Variants in SMARCA2 observed in about 807,000 individuals in gnomAD.
The protein encoded by SMARCA2 is SWI/SNF-related matrix-associated actin-dependent regulator of chromatin subfamily A member 2.
Under a neutral mutation model 199.8 loss-of-function variants are expected in SMARCA2, and 61 were observed. The observed-to-expected ratio is 0.31, with a 90% CI of 0.25 to 0.38. The LOEUF (loss-of-function observed/expected upper bound fraction) is 0.38, where lower values mean the gene tolerates loss of function less well. SMARCA2 is among the 10% of genes least tolerant of loss of function. The pLI is 1.00. For synonymous variants in SMARCA2, 935 were observed against 732.0 expected (o/e 1.28, Z -4.48); for missense variants, 1,344 against 2,012.2 (o/e 0.67, Z 6.35).
In SMARCA2 at chr9:2,017,583, T is replaced by C. The variant is rs1430980953; in HGVS notation, c.-37+2179T>C. On this transcript the variant is annotated intron_variant, in intron 1 of 33. Transcript: ENST00000349721. This position sits in a 1 kb window ranked among gnomAD's most constrained non-coding sequence, Gnocchi z 8.8. ...GTGTGCGCGCGCGAGCGGCGGAGAA[T>C]CAGGAAGTCACAGCAGCGAAGCGCA... 1 of 152,048 alleles carries C rather than the reference T, an allele frequency of 6.6e-6. No homozygotes were observed. Among genetic ancestry groups the C allele is most frequent in the African/African-American group, 2.4e-5 (1 of 41,358 alleles). The allele number at this position is 152,048 out of a possible 1,614,324, so 9.4% of individuals were successfully genotyped here.
intron 2 of SMARCA2, chr9:2,032,714 C>A (rs1690108012): frequency 5.6e-6 from 2 of 356,818 alleles, no homozygotes; most frequent in Non-Finnish European, 1.0e-5. Flanking sequence ...TCTGATATTA[C>A]AAAAAACAAA....
At chr9:2,160,743 G>C (rs1028587674) in intron 27 of SMARCA2, 4 of 432,092 alleles carry the variant, frequency 9.3e-6, no homozygotes, top group Admixed American at 3.8e-5. Flanking sequence ...GTGTGAGAGA[G>C]CAATCTCAAA....
intron 27 of SMARCA2, among the ~76,000 whole-genome samples, chr9:2,142,042 T>C (rs1824487707): frequency 6.6e-6 from 1 of 152,146 alleles, no homozygotes; most frequent in African/African-American, 2.4e-5. Context: ...GTGGACTTCC[T>C]TCTGCCAAGC....
In SMARCA2 at chr9:2,070,477, G is replaced by A; in HGVS notation, c.1746+6G>A. On this transcript the variant is annotated splice_donor_region_variant and intron_variant, in intron 10 of 33. Coordinates refer to ENST00000349721, the MANE Select transcript of SMARCA2 (RefSeq NM_003070.5). ...CCCTGGGACCGGATGGAGAGGTAAG[G>A]GATCGTCATCCTTTCCACTGTGTTC... 1.2e-6 allele frequency: 2 copies of A among 1,609,740 alleles called. No homozygotes were observed. Among genetic ancestry groups the A allele is most frequent in the South Asian group, 2.2e-5 (2 of 90,962 alleles).
chr9:2,139,488 T>G (rs948941649), intron 27 of SMARCA2, among the ~76,000 whole-genome samples: 5 of 152,204 alleles, frequency 3.3e-5, no homozygotes, highest in Non-Finnish European at 7.3e-5. Context: ...CGCTAGAGTG[T>G]CAACATTCCA....
rs1232304750 is a variant in SMARCA2, at chr9:2,017,818, C to T, written c.-37+2414C>T. Reference sequence around the variant, plus strand: ...CCTCCAGGTAAGGAGCCTGCGCAGCCCTGCCGCCGGCTGTGTGCGGAGCTT... The same window carrying T: ...CCTCCAGGTAAGGAGCCTGCGCAGCTCTGCCGCCGGCTGTGTGCGGAGCTT... On this transcript the variant is annotated intron_variant, in intron 1 of 33. Coordinates refer to ENST00000349721, the MANE Select transcript of SMARCA2 (RefSeq NM_003070.5). This position sits in a 1 kb window ranked among gnomAD's most constrained non-coding sequence, Gnocchi z 8.8. 6.6e-6 allele frequency: 1 copy of T among 152,270 alleles called. No homozygotes were observed. Among genetic ancestry groups the T allele is most frequent in the African/African-American group, 2.4e-5 (1 of 41,464 alleles). 9.4% of individuals were successfully genotyped at this position (152,270 alleles called of 1,614,324 possible).
intron 22 of SMARCA2, among the ~76,000 whole-genome samples, chr9:2,103,252 G>A (rs554714818): frequency 2.3e-4 from 35 of 152,216 alleles, no homozygotes; most frequent in South Asian, 1.5e-3. Context: ...CCTGCTCAGC[G>A]TAGCCTCTGT....
intron 27 of SMARCA2, chr9:2,158,176 A>G (rs1051640103): frequency 3.8e-6 from 1 of 260,882 alleles, no homozygotes; most frequent in Non-Finnish European, 7.2e-6. Context: ...AAAAAAAAAA[A>G]AAAAAAAAGG....
intron 27 of SMARCA2, among the ~76,000 whole-genome samples, chr9:2,137,339 C>T (rs1824244230): frequency 6.6e-6 from 1 of 152,170 alleles, no homozygotes; most frequent in African/African-American, 2.4e-5. Context: ...AGTGGCCTTC[C>T]ATTGTAAGTG....
At chr9:2,103,685 A>G (rs889834926) in intron 22 of SMARCA2, among the ~76,000 whole-genome samples, 17 of 150,804 alleles carry the variant, frequency 1.1e-4, no homozygotes, top group African/African-American at 3.9e-4. Context: ...AGAGAGAGAG[A>G]GGGCGAGGAG....
chr9:2,187,360 G>A (rs772650579), intron 32 of SMARCA2, among the ~76,000 whole-genome samples: 7 of 152,040 alleles, frequency 4.6e-5, no homozygotes, highest in Non-Finnish European at 8.8e-5. Context: ...AAAGGTTAAG[G>A]GTGCTGTCAG....
chr9:2,038,563 CT>C (rs1474069800), intron 3 of SMARCA2, among the ~76,000 whole-genome samples: 2 of 152,182 alleles, frequency 1.3e-5, no homozygotes, highest in African/African-American at 4.8e-5. Flanking sequence ...TTCTTTACCC[CT>C]TTCCTGAAAT....
At chr9:2,156,118 G>T (rs1394162545) in intron 27 of SMARCA2, among the ~76,000 whole-genome samples, 2 of 152,118 alleles carry the variant, frequency 1.3e-5, no homozygotes, top group Admixed American at 6.5e-5. Flanking sequence ...TTACATCATG[G>T]ATATTCCCTT....
At position 2,192,893 on chromosome 9, in the gene SMARCA2, TATC is replaced by T. The variant is rs771295558; in HGVS notation, c.*157_*159del. On this transcript the variant is annotated 3_prime_UTR_variant, in exon 34 of 34. Coordinates refer to ENST00000349721, the MANE Select transcript of SMARCA2 (RefSeq NM_003070.5). ...AGGATAGTGCCAGACAAACATATGA[TATC>T]ATGGTGTAAAAAACACACACATACA... 1 of 625,356 alleles carries T rather than the reference TATC, an allele frequency of 1.6e-6. No homozygotes were observed. Among genetic ancestry groups the T allele is most frequent in the Non-Finnish European group, 2.9e-6 (1 of 347,684 alleles). 38.7% of individuals were successfully genotyped at this position (625,356 alleles called of 1,614,324 possible). A position where few individuals can be genotyped will look rare whatever the true frequency, so the allele number is the denominator to read the frequency against.
intron 4 of SMARCA2, among the ~76,000 whole-genome samples, chr9:2,046,997 T>G (rs1405103223): frequency 1.3e-5 from 2 of 151,820 alleles, no homozygotes; most frequent in African/African-American, 4.8e-5. Context: ...TCTTTCTGTG[T>G]CTTTTTCCTT....
chr9:2,098,072 G>A (rs992433694), intron 21 of SMARCA2, among the ~76,000 whole-genome samples: 2 of 152,222 alleles, frequency 1.3e-5, no homozygotes, highest in East Asian at 3.9e-4. Flanking sequence ...ATGTGAATAA[G>A]TTTCCTAAAT....
chr9:2,186,200 GGAAGAT>G lies in SMARCA2; in HGVS notation c.4572_4577del (p.Asp1524_Glu1525del), dbSNP rs1229249653. The G allele has an allele frequency of 6.2e-7, 1 of 1,614,052 alleles. No individual in the cohort carries two copies. The highest frequency in any genetic ancestry group is 8.5e-7 in the Non-Finnish European group (1 of 1,179,938). On this transcript the variant is annotated inframe_deletion, in exon 32 of 34. Transcript: ENST00000349721. ...ATGAAAGCAATGAAGAGGAGGAAGA[GGAAGAT>G]GAAGAAGAGTCAGAGTCCGAGGGTA...
rs572526657 is a variant in SMARCA2, at chr9:2,098,292, A to T, written c.3078+821A>T. ...TCCAGTGTCTGCACCAATTTATTTT[A>T]AAAAATACATAGAAACTTCTGGAAA... On this transcript the variant is annotated intron_variant, in intron 21 of 33. Transcript: ENST00000349721. 1.4e-4 allele frequency among the ~76,000 whole-genome samples: 22 copies of T among 152,352 alleles called. 1 individual carries two copies. The South Asian group carries it at 4.1e-3, about 29-fold the overall frequency.
Position 2,172,237 on chromosome 9 carries a change from G to T in SMARCA2, c.4253+1765G>T, listed in dbSNP as rs540692745. ...GAGGCTCTTTGTAAGTACTGAAAAT[G>T]GAAAAAAAAAATGAATTAAATGGAG... On this transcript the variant is annotated intron_variant, in intron 29 of 33. Coordinates refer to ENST00000349721, the MANE Select transcript of SMARCA2 (RefSeq NM_003070.5). Among the ~76,000 whole-genome samples the T allele has an allele frequency of 2.7e-3, 318 of 119,138 alleles. 2 individuals carry two copies. Among genetic ancestry groups the T allele is most frequent in the Non-Finnish European group, 5.0e-3 (263 of 52,368 alleles). 78.2% of individuals were successfully genotyped at this position (119,138 alleles called of 152,430 possible).
Sources: gnomAD v4.1 joint callset for allele counts (sites outside exome capture counted in the v4.1 genomes callset) on GRCh38, gnomAD v4.1.1 for gene constraint, Gnocchi (gnomAD v3.1) non-coding constraint, MANE v1.5 for transcripts, NCBI Gene and HGNC (gene_info 2026-07-23, HGNC 2026-07-21) for gene names.